Variants in DSCAM observed in about 807,000 individuals in gnomAD.
DSCAM encodes the protein DS cell adhesion molecule.
In DSCAM, 47 loss-of-function variants were observed where a neutral mutation model predicts 217.7. The observed-to-expected ratio is 0.22, with a 90% CI of 0.17 to 0.28. The LOEUF (loss-of-function observed/expected upper bound fraction) is 0.28, where lower values mean the gene tolerates loss of function less well. DSCAM is among the 10% of genes least tolerant of loss of function. The pLI is 1.00. For missense variants in DSCAM, 2,080 were observed against 2,618.3 expected (o/e 0.79, Z 4.49); for synonymous variants, 1,056 against 1,015.3 (o/e 1.04, Z -0.76).
At chr21:40,312,815 C>T (rs1004120297) in intron 8 of DSCAM, among the ~76,000 whole-genome samples, 1 of 152,100 alleles carries the variant, frequency 6.6e-6, no homozygotes, top group Non-Finnish European at 1.5e-5. Context: ...ACTGAAGAAG[C>T]AGAAATTCCA....
At chr21:40,340,556 C>T (rs1168294103) in intron 6 of DSCAM, among the ~76,000 whole-genome samples, 1 of 152,132 alleles carries the variant, frequency 6.6e-6, no homozygotes, top group Non-Finnish European at 1.5e-5. Context: ...GTCATTTTGA[C>T]ATAATTGCAA....
At chr21:40,307,502 T>A (rs1156858128) in intron 9 of DSCAM, among the ~76,000 whole-genome samples, 3 of 152,116 alleles carry the variant, frequency 2.0e-5, no homozygotes, top group Admixed American at 6.6e-5. Flanking sequence ...AAACTAGTTC[T>A]ACCATTGTGA....
At chr21:40,267,263 CTT>C (rs79217614) in intron 11 of DSCAM, among the ~76,000 whole-genome samples, 235 of 145,386 alleles carry the variant, frequency 1.6e-3, no homozygotes, top group African/African-American at 5.7e-3. Flanking sequence ...TTACAGTTAA[CTT>C]TTTTTTTTTT....
rs373747967 is a variant in DSCAM at position 40,284,655 on chromosome 21, A to T, written c.2183-8385T>A. Among the ~76,000 whole-genome samples, 62 of 152,348 alleles carry T rather than the reference A, an allele frequency of 4.1e-4. No homozygotes were observed. In the South Asian group the frequency reaches 8.9e-3, roughly 22 times the overall value. On this transcript the variant is annotated intron_variant, in intron 10 of 32. Coordinates refer to ENST00000400454, the MANE Select transcript of DSCAM (RefSeq NM_001389.5). ...AACTACAAATCACTGCTTGAGCACT[A>T]GAAGCAGCTGTTAGCAGTGACGGGA...
At position 40,144,355 on chromosome 21, in the gene DSCAM, C is replaced by G; in HGVS notation, c.3259+136G>C. On this transcript the variant is annotated intron_variant, in intron 17 of 32. Coordinates refer to ENST00000400454, the MANE Select transcript of DSCAM (RefSeq NM_001389.5). This position sits in a 1 kb window ranked among gnomAD's most constrained non-coding sequence, Gnocchi z 4.8. ...GGCGAGGTCACGAGGGAAGGCTTTT[C>G]CACCCGAGACCCCAGGCCCTGCAGG... is the stretch of plus-strand genomic sequence containing the variant. The G allele has an allele frequency of 3.6e-6, 5 of 1,408,202 alleles. No homozygotes were observed. The highest frequency in any genetic ancestry group is 1.4e-5 in the South Asian group (1 of 73,508). 87.2% of individuals were successfully genotyped at this position (1,408,202 alleles called of 1,614,324 possible). A position where few individuals can be genotyped will look rare whatever the true frequency, so the allele number is the denominator to read the frequency against.
chr21:40,633,028 C>T (rs539039470), intron 3 of DSCAM, among the ~76,000 whole-genome samples: 1 of 152,274 alleles, frequency 6.6e-6, no homozygotes, highest in Non-Finnish European at 1.5e-5. Context: ...ACTTAATTAT[C>T]CATTTCCTGG....
At chr21:40,320,150 CT>C (rs1190038787) in intron 8 of DSCAM, among the ~76,000 whole-genome samples, 5 of 152,142 alleles carry the variant, frequency 3.3e-5, no homozygotes, top group African/African-American at 1.2e-4. Context: ...ACACATTTAC[CT>C]ATGTGACAAA....
chr21:40,463,450 C>G (rs1387592586), intron 3 of DSCAM, among the ~76,000 whole-genome samples: 4 of 152,074 alleles, frequency 2.6e-5, no homozygotes, highest in African/African-American at 9.7e-5. Context: ...TCCAATCACC[C>G]CTTCTTCCAT....
intron 8 of DSCAM, 72 bp from the exon 9 acceptor site, chr21:40,312,431 G>A (rs757163930): frequency 4.5e-5 from 69 of 1,527,060 alleles, no homozygotes; most frequent in Admixed American, 5.7e-5. Flanking sequence ...CCCTGTATAC[G>A]GCACTGAAAG....
intron 10 of DSCAM, among the ~76,000 whole-genome samples, chr21:40,278,235 A>G (rs781426363): frequency 6.6e-6 from 1 of 152,204 alleles, no homozygotes; most frequent in Non-Finnish European, 1.5e-5. Context: ...TAAGACCTAA[A>G]TAATTAGAGA....
chr21:40,504,381 A>G (rs917345131), intron 3 of DSCAM, among the ~76,000 whole-genome samples: 10 of 150,134 alleles, frequency 6.7e-5, no homozygotes, highest in Non-Finnish European at 1.3e-4. Context: ...CCTGTTCTCC[A>G]TGCCTTCTCT....
chr21:40,394,954 T>G (rs115247608), intron 3 of DSCAM, among the ~76,000 whole-genome samples: 4,252 of 152,294 alleles, frequency 0.028, 76 homozygotes, highest in African/African-American at 0.047. Context: ...CCAAGGGAAC[T>G]CTAAGGAAAA....
chr21:40,297,939 A>C (rs2073973266), intron 9 of DSCAM, among the ~76,000 whole-genome samples: 1 of 152,166 alleles, frequency 6.6e-6, no homozygotes, highest in African/African-American at 2.4e-5. Flanking sequence ...CTTATCTGAA[A>C]ATTGGAGATG....
At chr21:40,551,546 T>C (rs1299074115) in intron 3 of DSCAM, among the ~76,000 whole-genome samples, 1 of 152,148 alleles carries the variant, frequency 6.6e-6, no homozygotes, top group Non-Finnish European at 1.5e-5. Flanking sequence ...CTCTTCAGGA[T>C]TGGGAGGGCC....
chr21:40,531,923 G>C (rs1284222032), intron 3 of DSCAM, among the ~76,000 whole-genome samples: 2 of 152,224 alleles, frequency 1.3e-5, no homozygotes, highest in South Asian at 4.1e-4. Context: ...GGCTTGGGGA[G>C]GACACACAGT....
At chr21:40,621,173 A>G (rs1027044178) in intron 3 of DSCAM, 3 of 152,226 alleles carry the variant, frequency 2.0e-5, no homozygotes, top group African/African-American at 4.8e-5. Flanking sequence ...TATGTTCAAA[A>G]GAAGAAATAC....
At chr21:40,710,933 A>C (rs1433183451) in intron 1 of DSCAM, among the ~76,000 whole-genome samples, 1 of 150,810 alleles carries the variant, frequency 6.6e-6, no homozygotes, top group African/African-American at 2.4e-5. Context: ...CAACCTTCTA[A>C]CACTCGAGAT....
intron 3 of DSCAM, among the ~76,000 whole-genome samples, chr21:40,515,651 T>A (rs1024150165): frequency 6.6e-6 from 1 of 152,224 alleles, no homozygotes; most frequent in African/African-American, 2.4e-5. Flanking sequence ...CAGTCTTTTC[T>A]GACTCCTCAC....
chr21:40,153,885 T>C (rs2090449507), intron 16 of DSCAM, among the ~76,000 whole-genome samples: 1 of 152,162 alleles, frequency 6.6e-6, no homozygotes, highest in Non-Finnish European at 1.5e-5. Flanking sequence ...CATTCCCCCA[T>C]TTCTCAGGTT....
Sources: allele counts gnomAD v4.1 joint callset (sites outside exome capture counted in the v4.1 genomes callset), GRCh38; gene constraint gnomAD v4.1.1; non-coding constraint Gnocchi (gnomAD v3.1); transcripts MANE v1.5; gene names NCBI Gene and HGNC (gene_info 2026-07-23, HGNC 2026-07-21).